EPG5: variants seen among roughly 807,000 people sequenced by gnomAD.
EPG5 encodes the protein ectopic P-granules 5 autophagy tethering factor, also known as ectopic P granules protein 5 homolog.
Under a neutral mutation model 302.7 loss-of-function variants are expected in EPG5, and 159 were observed. That is an observed-to-expected ratio of 0.53 (90% CI 0.46 to 0.60). The LOEUF (loss-of-function observed/expected upper bound fraction) is 0.60. Among genes scored for constraint, EPG5 ranks in the 20% least tolerant of loss-of-function variants. EPG5 has a pLI of 0.00. For synonymous variants in EPG5, 1,158 were observed against 1,136.8 expected, an observed-to-expected ratio of 1.02 and a Z score of -0.37; for missense variants, 2,896 against 3,092.4, an observed-to-expected ratio of 0.94 and a Z score of 1.51.
At chr18:45,891,384 G>A (rs2049342907) in intron 27 of EPG5, among the ~76,000 whole-genome samples, 1 of 151,660 alleles carries the variant, frequency 6.6e-6, no homozygotes, top group Non-Finnish European at 1.5e-5. Context: ...CTGTAATCCT[G>A]GCTACTCAGG....
rs1162516634 is a variant in EPG5 at position 45,878,429 on chromosome 18, T to C, written c.5889A>G (p.Ser1963=). The change falls in exon 34 of 44, where the codon TCA becomes TCG. Residue 1963 remains serine, a synonymous_variant. Transcript: ENST00000282041. ...ATGGCTTAAAGAGCTGAATGATTAC[T>C]GAATGTAGGGATTTCAGCACTAAAA... ...SRKTVLKSLH[S]VIIQLFKPWI... 2 of 1,611,966 alleles carry C rather than the reference T, an allele frequency of 1.2e-6. No homozygotes were observed. The highest frequency in any genetic ancestry group is 1.7e-6 in the Non-Finnish European group (2 of 1,178,964).
intron 18 of EPG5, 58 bp downstream of exon 18, chr18:45,916,380 A>G (rs886570337): frequency 6.3e-7 from 1 of 1,586,566 alleles, no homozygotes; most frequent in African/African-American, 1.3e-5. Context: ...TGCTAACGCT[A>G]GAGGTCTTGG....
chr18:45,928,834 G>A lies in EPG5; in HGVS notation c.2553+35C>T, dbSNP rs9965433. The A allele has an allele frequency of 0.11, 172,363 of 1,592,758 alleles. 16,980 individuals are homozygous for A. The highest frequency in any genetic ancestry group is 0.39 in the African/African-American group (28,546 of 73,932). ...CCAATGTTCCATTACTCCAAGATTT[G>A]AAAAAACAAAAACAAACAAAATCAG... On this transcript the variant is annotated intron_variant, in intron 13 of 43. Coordinates refer to ENST00000282041, the MANE Select transcript of EPG5 (RefSeq NM_020964.3).
chr18:45,867,818 T>C, intron 36 of EPG5, 70 bp from the exon 37 acceptor site: 3 of 1,354,312 alleles, frequency 2.2e-6, no homozygotes, highest in Non-Finnish European at 1.0e-6. Context: ...TGTATGTAAA[T>C]TGTTTCATAA....
chr18:45,803,646 A>G, the EPG5 span, among the ~76,000 whole-genome samples: 10 of 152,160 alleles, frequency 6.6e-5, no homozygotes, highest in African/African-American at 2.4e-4. Context: ...CCCAAATTCC[A>G]TGTATAAAGT....
At chr18:45,915,916 G>A in intron 19 of EPG5, 93 bp downstream of exon 19, 1 of 1,153,952 alleles carries the variant, frequency 8.7e-7, no homozygotes, top group Non-Finnish European at 1.2e-6. Flanking sequence ...TGGCCACAGA[G>A]TAGAACTGAA....
At chr18:45,838,032 G>GTGTGA in the EPG5 span, 1 of 1,159,566 alleles carries the variant, frequency 8.6e-7, no homozygotes, top group Non-Finnish European at 1.1e-6. Flanking sequence ...TCTACCCCAG[G>GTGTGA]GATCTCACAC....
chr18:45,939,669 A>G lies in EPG5; in HGVS notation c.2030T>C (p.Met677Thr). 1 of 1,614,134 alleles carries G rather than the reference A, an allele frequency of 6.2e-7. No individual in the cohort carries two copies. The highest frequency in any genetic ancestry group is 8.5e-7 in the Non-Finnish European group (1 of 1,180,012). ...ATCAAATTCAACCTGTAGTTTCTCC[A>G]TAGAGTAGGGCTGTTGGGCCAATCC... ...GSGLAQQPYS[M>T]EKLQVEFDEL... is the part of the protein sequence containing the mutation. The change falls in exon 10 of 44, where the codon ATG (methionine) becomes ACG (threonine). Residue 677 changes from methionine to threonine, a missense_variant. Met to Thr is a moderately conservative substitution (Grantham distance 81). Coordinates refer to ENST00000282041, the MANE Select transcript of EPG5 (RefSeq NM_020964.3).
intron 1 of EPG5, among the ~76,000 whole-genome samples, chr18:45,963,832 G>A (rs1488922847): frequency 1.3e-5 from 2 of 152,162 alleles, no homozygotes; most frequent in East Asian, 3.8e-4. Context: ...ATCCAGCTCA[G>A]TTTAGAGAAT....
Position 45,917,818 on chromosome 18 carries a change from T to C in EPG5, c.3100A>G (p.Ile1034Val), listed in dbSNP as rs2050067252. 1 of 1,613,784 alleles carries C rather than the reference T, an allele frequency of 6.2e-7. No individual in the cohort carries two copies. The highest frequency in any genetic ancestry group is 8.5e-7 in the Non-Finnish European group (1 of 1,179,878). The change falls in exon 17 of 44, where the codon ATT becomes GTT. Residue 1034 changes from isoleucine (I) to valine (V), a missense_variant and splice_region_variant. By Grantham distance (29) the Ile-to-Val change is conservative. Around this residue, in one of 5 missense-constraint regions of EPG5, gnomAD observed 1,390 missense variants for 1,430.0 expected, o/e 0.97. Coordinates refer to ENST00000282041, the MANE Select transcript of EPG5 (RefSeq NM_020964.3). The stretch of plus-strand genomic sequence containing the variant: ...ATGCCTTCTGCACAGAACTTCTCAA[T>C]GCTATGGAAAAAGAGAAAGGCACTG... Reference protein sequence around the residue: ...ALSMTAVGHSIEKFCAEGIPL... With the variant: ...ALSMTAVGHSVEKFCAEGIPL...
At position 45,889,643 on chromosome 18, in the gene EPG5, A is replaced by G. The variant is rs532068298; in HGVS notation, c.4952+155T>C. On this transcript the variant is annotated intron_variant, in intron 28 of 43. Transcript: ENST00000282041. ...TAAAACTTTATTTATAAAAATAAGT[A>G]GCAGGCCAGATTTGACTCAAAGGCC... is the stretch of plus-strand genomic sequence containing the variant. Among the ~76,000 whole-genome samples, 13 of 152,378 alleles carry G rather than the reference A, an allele frequency of 8.5e-5. No individual in the cohort carries two copies. The East Asian group carries it at 1.9e-3, about 23-fold the overall frequency.
chr18:45,852,625 C>T lies in EPG5; in HGVS notation c.7582G>A (p.Ala2528Thr). 1.2e-6 allele frequency: 2 copies of T among 1,614,008 alleles called. No homozygotes were observed. Among genetic ancestry groups the T allele is most frequent in the Non-Finnish European group, 8.5e-7 (1 of 1,179,996 alleles). Residue 2528 changes from alanine to threonine, a missense_variant, in exon 44 of 44, where the codon GCA (alanine) becomes ACA (threonine). Transcript: ENST00000282041. ...TATTCAACATACTGCTTACTTGATGCCATGGATTCAAGAGCATTCAGAGCC... is the reference window on the plus strand; with the variant it reads ...TATTCAACATACTGCTTACTTGATGTCATGGATTCAAGAGCATTCAGAGCC... ...QQALNALESMASSKQYVEYQD... is the reference protein window; with the variant it reads ...QQALNALESMTSSKQYVEYQD...
chr18:45,896,428 G>A (rs889500510), intron 27 of EPG5, among the ~76,000 whole-genome samples: 2 of 152,202 alleles, frequency 1.3e-5, no homozygotes, highest in Non-Finnish European at 2.9e-5. Flanking sequence ...TGAGGTTAGG[G>A]CCACAAAATA....
intron 25 of EPG5, among the ~76,000 whole-genome samples, chr18:45,903,531 T>C (rs747899229): frequency 6.6e-6 from 1 of 152,238 alleles, no homozygotes; most frequent in East Asian, 1.9e-4. Context: ...CAATGATATG[T>C]CCTATATTTT....
the EPG5 span, among the ~76,000 whole-genome samples, chr18:45,805,184 A>G: frequency 6.6e-6 from 1 of 152,128 alleles, no homozygotes; most frequent in Non-Finnish European, 1.5e-5. Flanking sequence ...GGTACCCTAG[A>G]TTGGCTCCTG....
intron 27 of EPG5, among the ~76,000 whole-genome samples, chr18:45,895,993 G>A (rs1435035892): frequency 4.6e-5 from 7 of 152,186 alleles, no homozygotes; most frequent in Admixed American, 2.6e-4. Context: ...CGAACAACTT[G>A]CATAGATAAT....
In EPG5 at chr18:45,878,043, G is replaced by C. The variant is rs1266030206; in HGVS notation, c.5942+333C>G. ...GTTCCAAAACACAACTGATGTAGTA[G>C]AGAAAAATCAGTCTCATAAAACCCT... is the stretch of plus-strand genomic sequence containing the variant. On this transcript the variant is annotated intron_variant, in intron 34 of 43. Coordinates refer to ENST00000282041, the MANE Select transcript of EPG5 (RefSeq NM_020964.3). Among the ~76,000 whole-genome samples, 5 of 152,248 alleles carry C rather than the reference G, an allele frequency of 3.3e-5. No homozygotes were observed. In the East Asian group the frequency reaches 9.6e-4, roughly 29 times the overall value.
At chr18:45,822,304 C>T in the EPG5 span, among the ~76,000 whole-genome samples, 11 of 152,112 alleles carry the variant, frequency 7.2e-5, no homozygotes, top group African/African-American at 1.9e-4. Flanking sequence ...AAGTTAAATA[C>T]TGCATATTCT....
chr18:45,961,876 AC>A (rs1205101929), intron 1 of EPG5, among the ~76,000 whole-genome samples: 1 of 150,996 alleles, frequency 6.6e-6, no homozygotes, highest in Non-Finnish European at 1.5e-5. Context: ...AAAAAAAAAA[AC>A]TATCCAGACC....
Sources: gnomAD v4.1 joint callset for allele counts (sites outside exome capture counted in the v4.1 genomes callset) on GRCh38, gnomAD v4.1.1 for gene constraint, gnomAD v4.1.1 regional missense constraint, MANE v1.5 for transcripts, NCBI Gene and HGNC (gene_info 2026-07-23, HGNC 2026-07-21) for gene names.